The following LARP4B variants were observed in gnomAD, a reference collection of about 807,000 sequenced individuals.
LARP4B encodes La ribonucleoprotein 4B.
In LARP4B, 12 loss-of-function variants were observed where a neutral mutation model predicts 89.8. That is an observed-to-expected ratio of 0.13 (90% CI 0.09 to 0.22). The LOEUF is 0.22. Among genes scored for constraint, LARP4B ranks in the 10% least tolerant of loss-of-function variants. The pLI is 1.00. For synonymous variants in LARP4B, 367 were observed against 363.3 expected, an observed-to-expected ratio of 1.01 and a Z score of -0.12; for missense variants, 757 against 947.7, an observed-to-expected ratio of 0.80 and a Z score of 2.64.
intron 3 of LARP4B, chr10:873,119 A>T: frequency 1.0e-6 from 1 of 985,408 alleles, no homozygotes; most frequent in Non-Finnish European, 1.2e-6. Flanking sequence ...GTCACTACTT[A>T]GTTCTCTGCT....
chr10:870,651 G>A (rs1835156037), intron 3 of LARP4B, among the ~76,000 whole-genome samples: 1 of 152,168 alleles, frequency 6.6e-6, no homozygotes, highest in Admixed American at 6.5e-5. Flanking sequence ...GTCCCACATG[G>A]ACCCAGGCAG....
At chr10:976,819 T>G in the LARP4B span, among the ~76,000 whole-genome samples, 1 of 149,726 alleles carries the variant, frequency 6.7e-6, no homozygotes, top group Non-Finnish European at 1.5e-5. Flanking sequence ...CCCGGCCTAG[T>G]AGAAGGTAGG....
intron 3 of LARP4B, among the ~76,000 whole-genome samples, chr10:870,938 G>A (rs1375142472): frequency 2.0e-5 from 3 of 152,188 alleles, no homozygotes; most frequent in East Asian, 3.8e-4. Flanking sequence ...TACTCGGTGT[G>A]TTTCATAACT....
chr10:823,794 G>A (rs1029438754), intron 13 of LARP4B, among the ~76,000 whole-genome samples: 2 of 152,016 alleles, frequency 1.3e-5, no homozygotes, highest in Admixed American at 6.6e-5. Context: ...TGAAGTCACT[G>A]ACTCTCCATG....
At chr10:909,183 A>G (rs892991025) in intron 1 of LARP4B, among the ~76,000 whole-genome samples, 2 of 151,266 alleles carry the variant, frequency 1.3e-5, no homozygotes, top group African/African-American at 4.9e-5. Context: ...AGTCCCAGCT[A>G]CTCGGGAGGC....
intron 9 of LARP4B, among the ~76,000 whole-genome samples, chr10:830,522 T>C (rs1832848335): frequency 6.6e-6 from 1 of 152,152 alleles, no homozygotes; most frequent in Non-Finnish European, 1.5e-5. Flanking sequence ...TCTTCCAAAA[T>C]ACAATGAAGT....
chr10:951,343 G>A, the LARP4B span, among the ~76,000 whole-genome samples: 8 of 152,112 alleles, frequency 5.3e-5, no homozygotes, highest in Non-Finnish European at 1.2e-4. Context: ...GAGGTCAGGA[G>A]TTCGAGACCA....
At chr10:905,994 G>A (rs1296808286) in intron 1 of LARP4B, among the ~76,000 whole-genome samples, 1 of 152,194 alleles carries the variant, frequency 6.6e-6, no homozygotes, top group Non-Finnish European at 1.5e-5. Flanking sequence ...CTCTTGCCCT[G>A]TGCAATCAAA....
At chr10:967,303 T>C in the LARP4B span, among the ~76,000 whole-genome samples, 3 of 152,134 alleles carry the variant, frequency 2.0e-5, no homozygotes, top group Non-Finnish European at 2.9e-5. Context: ...GAGAGAGAAG[T>C]AGACATTGAA....
intron 1 of LARP4B, among the ~76,000 whole-genome samples, chr10:908,335 C>T (rs1265530088): frequency 6.6e-6 from 1 of 152,192 alleles, no homozygotes; most frequent in Non-Finnish European, 1.5e-5. Flanking sequence ...ACACCTTGCC[C>T]CACACATCTC....
chr10:825,597 C>T (rs1011826440), intron 12 of LARP4B, among the ~76,000 whole-genome samples, 167 bp downstream of exon 12: 2 of 152,250 alleles, frequency 1.3e-5, no homozygotes, highest in East Asian at 1.9e-4. Context: ...GAATCTGAGG[C>T]GGGCACCCAT....
At chr10:937,506 G>A in the LARP4B span, among the ~76,000 whole-genome samples, 1 of 152,144 alleles carries the variant, frequency 6.6e-6, no homozygotes, top group Non-Finnish European at 1.5e-5. Context: ...AGGGAAAGGA[G>A]TATTTTTACA....
chr10:903,875 G>A (rs927341551), intron 1 of LARP4B, among the ~76,000 whole-genome samples: 16 of 152,116 alleles, frequency 1.1e-4, no homozygotes, highest in African/African-American at 1.7e-4. Context: ...GAAGCAGCTC[G>A]GAGCTGCTTT....
At chr10:832,866 AG>A (rs1261060118) in intron 8 of LARP4B, among the ~76,000 whole-genome samples, 2 of 152,236 alleles carry the variant, frequency 1.3e-5, no homozygotes, top group Non-Finnish European at 2.9e-5. Context: ...AGGAATGAGA[AG>A]GACTGTAAAT....
intron 1 of LARP4B, among the ~76,000 whole-genome samples, chr10:927,039 C>CAAA (rs780081413): frequency 2.0e-5 from 2 of 98,306 alleles, no homozygotes; most frequent in Non-Finnish European, 4.2e-5. Flanking sequence ...GACTCGGTCT[C>CAAA]AAAAAAAAAA....
chr10:909,065 C>T (rs571866651), intron 1 of LARP4B, among the ~76,000 whole-genome samples: 22 of 152,174 alleles, frequency 1.4e-4, no homozygotes, highest in South Asian at 6.2e-4. Context: ...GAGGCTGAGG[C>T]GGGCAGATCA....
At chr10:819,493 A>T (rs1295075303) in intron 14 of LARP4B, 1 of 152,264 alleles carries the variant, frequency 6.6e-6, no homozygotes, top group Non-Finnish European at 1.5e-5. Flanking sequence ...TGAGGTCCTG[A>T]GAGCACGTAC....
At chr10:856,157 G>A (rs542475926) in intron 5 of LARP4B, among the ~76,000 whole-genome samples, 1 of 152,166 alleles carries the variant, frequency 6.6e-6, no homozygotes, top group Non-Finnish European at 1.5e-5. Flanking sequence ...AGAAAAAAAT[G>A]ATAAACTTGA....
chr10:886,550 T>C (rs951142164), intron 1 of LARP4B, among the ~76,000 whole-genome samples: 2 of 152,200 alleles, frequency 1.3e-5, no homozygotes, highest in Admixed American at 1.3e-4. Context: ...AACCACATAG[T>C]TGTCCATCAA....
Sources: allele counts gnomAD v4.1 joint callset (sites outside exome capture counted in the v4.1 genomes callset), GRCh38; gene constraint gnomAD v4.1.1; transcripts MANE v1.5; gene names NCBI Gene and HGNC (gene_info 2026-07-23, HGNC 2026-07-21).